CREB5: variants seen among roughly 807,000 people sequenced by gnomAD.
CREB5 encodes cyclic AMP-responsive element-binding protein 5.
A neutral mutation model predicts 57.1 loss-of-function variants in CREB5; 19 were observed. That is an observed-to-expected ratio of 0.33 (90% CI 0.23 to 0.49). The LOEUF is 0.49. CREB5 is among the 20% of genes least tolerant of loss of function. The pLI, the probability that CREB5 is intolerant of heterozygous loss-of-function variation, is 0.99. For missense variants in CREB5, 579 were observed against 671.6 expected, an observed-to-expected ratio of 0.86 and a Z score of 1.52; for synonymous variants, 238 against 238.3, an observed-to-expected ratio of 1.00 and a Z score of 0.01.
At chr7:28,685,218 G>A (rs1389877128) in intron 5 of CREB5, among the ~76,000 whole-genome samples, 4 of 152,142 alleles carry the variant, frequency 2.6e-5, no homozygotes, top group Non-Finnish European at 5.9e-5. Context: ...CCTCTCCTTT[G>A]GAAGGTTCAC....
intron 1 of CREB5, among the ~76,000 whole-genome samples, chr7:28,386,055 C>A (rs907088891): frequency 1.3e-5 from 2 of 152,114 alleles, no homozygotes; most frequent in East Asian, 1.9e-4. Flanking sequence ...TTGGGGCAAC[C>A]TTTTTTCACA....
intron 6 of CREB5, among the ~76,000 whole-genome samples, chr7:28,722,060 T>C (rs1803060282): frequency 6.6e-6 from 1 of 152,218 alleles, no homozygotes; most frequent in Non-Finnish European, 1.5e-5. Flanking sequence ...CACCAAATAG[T>C]TATTTTGACT....
intron 1 of CREB5, among the ~76,000 whole-genome samples, chr7:28,415,582 AG>A (rs1661121270): frequency 6.6e-6 from 1 of 152,150 alleles, no homozygotes; most frequent in Non-Finnish European, 1.5e-5. Context: ...TTTTCTAATA[AG>A]GGCCTCCTTA....
chr7:28,529,240 C>T (rs568101945), intron 4 of CREB5, among the ~76,000 whole-genome samples: 1 of 152,304 alleles, frequency 6.6e-6, no homozygotes, highest in South Asian at 2.1e-4. Context: ...CAAGAATGCA[C>T]GAGAGTGGTC....
At chr7:28,503,735 C>T (rs986492610) in intron 3 of CREB5, among the ~76,000 whole-genome samples, 1 of 152,150 alleles carries the variant, frequency 6.6e-6, no homozygotes, top group Non-Finnish European at 1.5e-5. Context: ...GATACCAGCA[C>T]ACACCTACAC....
intron 6 of CREB5, among the ~76,000 whole-genome samples, chr7:28,719,420 A>G (rs572422291): frequency 7.2e-5 from 11 of 152,326 alleles, no homozygotes; most frequent in Admixed American, 5.2e-4. Context: ...ATTCTACAAA[A>G]TGGGTGTATT....
intron 5 of CREB5, among the ~76,000 whole-genome samples, chr7:28,678,847 T>G (rs1342489670): frequency 6.6e-6 from 1 of 152,198 alleles, no homozygotes; most frequent in Non-Finnish European, 1.5e-5. Flanking sequence ...GAATTCTCCT[T>G]GCAGAAACCC....
intron 1 of CREB5, among the ~76,000 whole-genome samples, chr7:28,307,267 TG>T (rs1425814306): frequency 6.6e-6 from 1 of 152,154 alleles, no homozygotes; most frequent in Non-Finnish European, 1.5e-5. Context: ...TACTAAGAAG[TG>T]GGGCTTTCAG....
intron 5 of CREB5, among the ~76,000 whole-genome samples, chr7:28,616,394 TG>T (rs1302917070): frequency 6.6e-6 from 1 of 152,226 alleles, no homozygotes; most frequent in Admixed American, 6.5e-5. Context: ...ATCAACTCTT[TG>T]GTTACCCTGA....
At chr7:28,525,562 G>A (rs2012116) in intron 4 of CREB5, among the ~76,000 whole-genome samples, 9,880 of 151,744 alleles carry the variant, frequency 0.065, 407 homozygotes, top group Non-Finnish European at 0.089. Context: ...TTTGATTTGC[G>A]TTACCCTGAT....
At chr7:28,370,062 A>T (rs1446482860) in intron 1 of CREB5, among the ~76,000 whole-genome samples, 3 of 152,200 alleles carry the variant, frequency 2.0e-5, no homozygotes, top group Non-Finnish European at 4.4e-5. Context: ...AGAAGTGAGA[A>T]TTACTATAAT....
At chr7:28,600,368 C>G (rs1221037390) in intron 5 of CREB5, among the ~76,000 whole-genome samples, 1 of 39,932 alleles carries the variant, frequency 2.5e-5, no homozygotes, top group African/African-American at 9.7e-5. Context: ...CAGAGCAGAC[C>G]AGCCTCACGA....
chr7:28,607,281 G>A (rs1006409683), intron 5 of CREB5, among the ~76,000 whole-genome samples: 2 of 152,160 alleles, frequency 1.3e-5, no homozygotes, highest in East Asian at 3.9e-4. Flanking sequence ...AAAACTAACC[G>A]AGAAATGTGT....
intron 4 of CREB5, among the ~76,000 whole-genome samples, chr7:28,557,321 T>A (rs1331272342): frequency 6.6e-6 from 1 of 152,120 alleles, no homozygotes; most frequent in Admixed American, 6.5e-5. Flanking sequence ...TTTTAAAAAT[T>A]AAGGAATATG....
chr7:28,479,720 G>T (rs563345599), intron 1 of CREB5, among the ~76,000 whole-genome samples: 18 of 152,128 alleles, frequency 1.2e-4, no homozygotes, highest in Non-Finnish European at 2.1e-4. Context: ...TGCTGGGGTC[G>T]TGGGAAAAAA....
chr7:28,672,460 C>T (rs1243802610), intron 5 of CREB5, among the ~76,000 whole-genome samples: 1 of 151,922 alleles, frequency 6.6e-6, no homozygotes, highest in Non-Finnish European at 1.5e-5. Flanking sequence ...AAAAAAAATG[C>T]TCTTTTCATA....
At chr7:28,640,033 A>G (rs1798587358) in intron 5 of CREB5, among the ~76,000 whole-genome samples, 1 of 152,168 alleles carries the variant, frequency 6.6e-6, no homozygotes, top group Non-Finnish European at 1.5e-5. Flanking sequence ...CTCACAGACT[A>G]TAGGATGTGC....
chr7:28,629,632 A>G (rs1255509832), intron 5 of CREB5, among the ~76,000 whole-genome samples: 1 of 152,196 alleles, frequency 6.6e-6, no homozygotes, highest in African/African-American at 2.4e-5. Flanking sequence ...GAGCCACAAC[A>G]TTCTCCTGGG....
intron 5 of CREB5, among the ~76,000 whole-genome samples, chr7:28,626,626 C>T (rs1798005453): frequency 6.6e-6 from 1 of 152,166 alleles, no homozygotes; most frequent in African/African-American, 2.4e-5. Flanking sequence ...GGAACAGAAT[C>T]GATTTTATTG....
Sources: allele counts gnomAD v4.1 joint callset (sites outside exome capture counted in the v4.1 genomes callset), GRCh38; gene constraint gnomAD v4.1.1; transcripts MANE v1.5; gene names NCBI Gene and HGNC (gene_info 2026-07-23, HGNC 2026-07-21).